The following IL17RA variants were observed in gnomAD, a reference collection of about 807,000 sequenced individuals.
IL17RA encodes the protein interleukin 17 receptor A, also known as interleukin-17 receptor A.
IL17RA carries 34 observed loss-of-function variants against 50.4 expected under a neutral mutation model. The ratio of observed to expected loss-of-function variants is 0.67; its 90% CI spans 0.51 to 0.90. The LOEUF is 0.90. Among genes scored for constraint, IL17RA ranks in the 40% least tolerant of loss-of-function variants. The probability of loss-of-function intolerance (pLI) is 0.00; values close to 1 mark genes in which losing one functional copy is unlikely to be tolerated. For synonymous variants in IL17RA, 585 were observed against 510.4 expected (o/e 1.15, Z -1.97); for missense variants, 1,276 against 1,169.8 (o/e 1.09, Z -1.32).
intron 1 of IL17RA, among the ~76,000 whole-genome samples, chr22:17,090,764 T>G (rs1237250740): frequency 6.6e-6 from 1 of 152,252 alleles, no homozygotes; most frequent in Admixed American, 6.5e-5. Flanking sequence ...TATATAACAA[T>G]TAAGTAATCT....
chr22:17,102,075 A>G (rs1338393462), intron 6 of IL17RA, 32 bp downstream of exon 6: 1 of 1,613,922 alleles, frequency 6.2e-7, no homozygotes, highest in African/African-American at 1.3e-5. Context: ...CTTTATTTGG[A>G]TGCATACACA....
chr22:17,106,891 T>C (rs2061417157), intron 11 of IL17RA, among the ~76,000 whole-genome samples: 2 of 152,168 alleles, frequency 1.3e-5, no homozygotes, highest in African/African-American at 4.8e-5. Context: ...CTTTCTGCTG[T>C]TGCGCTTCTG....
intron 1 of IL17RA, among the ~76,000 whole-genome samples, chr22:17,093,431 G>A (rs1316663878): frequency 5.3e-5 from 8 of 152,140 alleles, no homozygotes; most frequent in African/African-American, 9.7e-5. Flanking sequence ...AGCCCTGAAC[G>A]TTATAAGGTT....
Position 17,108,543 on chromosome 22 carries a change from A to G in IL17RA, c.1324A>G (p.Lys442Glu), listed in dbSNP as rs752402424. Reference sequence around the variant, plus strand: ...GCAGGAGATGGTGGAGAGCAACTCTAAGATCATCGTCCTGTGCTCCCGCGG... The same window carrying G: ...GCAGGAGATGGTGGAGAGCAACTCTGAGATCATCGTCCTGTGCTCCCGCGG... Reference protein sequence around the residue: ...QKQEMVESNSKIIVLCSRGTR... With the variant: ...QKQEMVESNSEIIVLCSRGTR... The change falls in exon 13 of 13, where the codon AAG (lysine) becomes GAG (glutamate). Residue 442 changes from lysine to glutamate, a missense_variant. Coordinates refer to ENST00000319363, the MANE Select transcript of IL17RA (RefSeq NM_014339.7). The G allele has an allele frequency of 1.9e-6, 3 of 1,609,844 alleles. No individual in the cohort carries two copies. Among genetic ancestry groups the G allele is most frequent in the Non-Finnish European group, 2.5e-6 (3 of 1,179,970 alleles).
Position 17,109,873 on chromosome 22 carries a change from T to C in IL17RA, c.*53T>C. The C allele has an allele frequency of 6.8e-7, 1 of 1,477,242 alleles. No homozygotes were observed. The highest frequency in any genetic ancestry group is 9.2e-7 in the Non-Finnish European group (1 of 1,087,986). The allele number at this position is 1,477,242 out of a possible 1,614,324, so 91.5% of individuals were successfully genotyped here. On this transcript the variant is annotated 3_prime_UTR_variant, in exon 13 of 13. Coordinates refer to ENST00000319363, the MANE Select transcript of IL17RA (RefSeq NM_014339.7). Reference sequence around the variant, plus strand: ...CCCAGCTTTGAGAGAGGAGTGTGTGTGCACGTATTCATCTGTGTGTACATG... The same window carrying C: ...CCCAGCTTTGAGAGAGGAGTGTGTGCGCACGTATTCATCTGTGTGTACATG...
intron 1 of IL17RA, among the ~76,000 whole-genome samples, chr22:17,086,340 AAAG>A (rs2061327829): frequency 6.6e-6 from 1 of 150,442 alleles, no homozygotes; most frequent in Admixed American, 6.6e-5. Context: ...GGATTTACCG[AAAG>A]AAGGTGGAGG....
rs1163851080 is a variant in IL17RA at position 17,114,152 on chromosome 22, G to T, written c.*4332G>T. On this transcript the variant is annotated 3_prime_UTR_variant, in exon 13 of 13. Coordinates refer to ENST00000319363, the MANE Select transcript of IL17RA (RefSeq NM_014339.7). Reference sequence around the variant, plus strand: ...ATGGGTATATTTTATAGAAGAATATGAAGAAAAGCAGCTACCCCTAAACCC... The same window carrying T: ...ATGGGTATATTTTATAGAAGAATATTAAGAAAAGCAGCTACCCCTAAACCC... The T allele has an allele frequency of 5.3e-5, 8 of 152,190 alleles. No individual in the cohort carries two copies. The highest frequency in any genetic ancestry group is 1.9e-4 in the African/African-American group (8 of 41,438). The allele number at this position is 152,190 out of a possible 1,614,324, so 9.4% of individuals were successfully genotyped here.
intron 1 of IL17RA, among the ~76,000 whole-genome samples, chr22:17,085,849 G>C (rs959098187): frequency 6.6e-6 from 1 of 152,190 alleles, no homozygotes; most frequent in African/African-American, 2.4e-5. Flanking sequence ...GCGGGGGCCG[G>C]AGCGCTGAGA....
At chr22:17,099,693 G>A (rs994553335) in intron 4 of IL17RA, among the ~76,000 whole-genome samples, 2 of 152,156 alleles carry the variant, frequency 1.3e-5, no homozygotes, top group South Asian at 2.1e-4. Context: ...ACTGCTATGC[G>A]AATGGTGAGA....
chr22:17,090,486 A>T (rs2061344361), intron 1 of IL17RA, among the ~76,000 whole-genome samples: 1 of 152,188 alleles, frequency 6.6e-6, no homozygotes, highest in South Asian at 2.1e-4. Flanking sequence ...CTCCTTTAAA[A>T]ATGGTACTAA....
Position 17,109,227 on chromosome 22 carries a change from C to T in IL17RA, c.2008C>T (p.Leu670Phe), listed in dbSNP as rs2061428792. 6.7e-7 allele frequency: 1 copy of T among 1,495,404 alleles called. No individual in the cohort carries two copies. The highest frequency in any genetic ancestry group is 8.9e-7 in the Non-Finnish European group (1 of 1,128,148). The allele number at this position is 1,495,404 out of a possible 1,614,324, so 92.6% of individuals were successfully genotyped here. A position where few individuals can be genotyped will look rare whatever the true frequency, so the allele number is the denominator to read the frequency against. ...PAPQPLHTLV[L>F]AAEEGALVAA... ...GCCGCAGCCCCTCCACACCCTGGTG[C>T]TCGCCGCAGAGGAGGGGGCCCTGGT... The change falls in exon 13 of 13, where the codon CTC becomes TTC. Residue 670 changes from leucine to phenylalanine, a missense_variant. By Grantham distance (22) the Leu-to-Phe change is conservative. Transcript: ENST00000319363.
intron 1 of IL17RA, among the ~76,000 whole-genome samples, chr22:17,086,084 G>A (rs541549025): frequency 6.6e-6 from 1 of 152,196 alleles, no homozygotes; most frequent in African/African-American, 2.4e-5. Context: ...CACAGGAAGT[G>A]ACCCACCCGC....
rs1211681731 is a variant in IL17RA at position 17,112,929 on chromosome 22, C to T, written c.*3109C>T. 6.6e-6 allele frequency: 1 copy of T among 151,726 alleles called. No homozygotes were observed. Among genetic ancestry groups the T allele is most frequent in the Non-Finnish European group, 1.5e-5 (1 of 68,016 alleles). The allele number at this position is 151,726 out of a possible 1,614,324, so 9.4% of individuals were successfully genotyped here. A position where few individuals can be genotyped will look rare whatever the true frequency, so the allele number is the denominator to read the frequency against. ...GGCCGATTATGCACGCAGCCACCAA[C>T]AAGCTCCCAACTCCCGCGTAGAGTT... On this transcript the variant is annotated 3_prime_UTR_variant, in exon 13 of 13. Coordinates refer to ENST00000319363, the MANE Select transcript of IL17RA (RefSeq NM_014339.7).
In IL17RA at chr22:17,108,965, C is replaced by G. The variant is rs751043798; in HGVS notation, c.1746C>G (p.Pro582=). Residue 582 remains proline (P), a synonymous_variant, in exon 13 of 13, where the codon CCC becomes CCG. Transcript: ENST00000319363. The part of the protein sequence containing the change: ...DRFRDWQVRC[P]DWFECENLYS... ...TCCGGGACTGGCAGGTCCGCTGTCC[C>G]GACTGGTTCGAATGTGAGAACCTCT... 1 of 1,605,914 alleles carries G rather than the reference C, an allele frequency of 6.2e-7. No homozygotes were observed. The highest frequency in any genetic ancestry group is 2.2e-5 in the East Asian group (1 of 44,666).
chr22:17,103,556 G>A lies in IL17RA; in HGVS notation c.825G>A (p.Gly275=), dbSNP rs1332859281. Reference sequence around the variant, plus strand: ...CACTCACTCTACGCAACCTTAAAGGGTGCTGTCGCCACCAAGTGCAGGTGG... The same window carrying A: ...CACTCACTCTACGCAACCTTAAAGGATGCTGTCGCCACCAAGTGCAGGTGG... ...NVTLTLRNLK[G]CCRHQVQIQP... is the part of the protein sequence containing the mutation. The change falls in exon 8 of 13, where the codon GGG becomes GGA. Residue 275 remains glycine, a synonymous_variant. Coordinates refer to ENST00000319363, the MANE Select transcript of IL17RA (RefSeq NM_014339.7). The A allele has an allele frequency of 6.2e-7, 1 of 1,613,310 alleles. No homozygotes were observed. Among genetic ancestry groups the A allele is most frequent in the East Asian group, 2.2e-5 (1 of 44,830 alleles).
chr22:17,085,188 C>T lies in IL17RA; in HGVS notation c.97C>T (p.Leu33=), dbSNP rs2061321924. ...LGVLAPGGAS[L]RLLDHRALVC... is the part of the protein sequence containing the mutation. ...CGTGCTGGCCCCGGGTGGCGCCTCC[C>T]TGCGACTCCTGGACCACCGGGCGCT... Residue 33 remains leucine (L), a synonymous_variant, in exon 1 of 13, where the codon CTG becomes TTG. Transcript: ENST00000319363. 2 of 1,528,352 alleles carry T rather than the reference C, an allele frequency of 1.3e-6. No homozygotes were observed. Among genetic ancestry groups the T allele is most frequent in the African/African-American group, 2.8e-5 (2 of 71,326 alleles). The allele number at this position is 1,528,352 out of a possible 1,614,324, so 94.7% of individuals were successfully genotyped here. A position where few individuals can be genotyped will look rare whatever the true frequency, so the allele number is the denominator to read the frequency against.
At chr22:17,096,677 T>G (rs1444712843) in intron 1 of IL17RA, among the ~76,000 whole-genome samples, 1 of 151,946 alleles carries the variant, frequency 6.6e-6, no homozygotes, top group East Asian at 1.9e-4. Flanking sequence ...GAGATCATCC[T>G]GGCTAACACA....
chr22:17,109,325 C>T lies in IL17RA; in HGVS notation c.2106C>T (p.Ala702=). The T allele has an allele frequency of 6.5e-7, 1 of 1,548,022 alleles. No individual in the cohort carries two copies. Among genetic ancestry groups the T allele is most frequent in the Non-Finnish European group, 8.7e-7 (1 of 1,151,010 alleles). The change falls in exon 13 of 13, where the codon GCC becomes GCT. Residue 702 remains alanine (A), a synonymous_variant. Transcript: ENST00000319363. Reference sequence around the variant, plus strand: ...TGGCACTGGCGGGGGAGGGCGAGGCCTGCCCGCTGCTGGGCAGCCCGGGCG... The same window carrying T: ...TGGCACTGGCGGGGGAGGGCGAGGCTTGCCCGCTGCTGGGCAGCCCGGGCG... ...VRLALAGEGE[A]CPLLGSPGAG...
intron 11 of IL17RA, among the ~76,000 whole-genome samples, chr22:17,106,983 A>G (rs983928782): frequency 1.3e-5 from 2 of 152,196 alleles, no homozygotes; most frequent in Non-Finnish European, 1.5e-5. Flanking sequence ...GTTCTGGGGA[A>G]GAGCTGAAAG....
Sources: allele counts gnomAD v4.1 joint callset (sites outside exome capture counted in the v4.1 genomes callset), GRCh38; gene constraint gnomAD v4.1.1; transcripts MANE v1.5; gene names NCBI Gene and HGNC (gene_info 2026-07-23, HGNC 2026-07-21).